Variants in PTPRG observed in about 807,000 individuals in gnomAD.
PTPRG encodes protein tyrosine phosphatase receptor type G, also known as receptor-type tyrosine-protein phosphatase gamma.
A neutral mutation model predicts 165.3 loss-of-function variants in PTPRG; 102 were observed. The ratio of observed to expected loss-of-function variants is 0.62; its 90% CI spans 0.53 to 0.73. The LOEUF is 0.73. Ranked by LOEUF, PTPRG falls within the 30% of genes least tolerant of loss-of-function variation. The probability of loss-of-function intolerance (pLI) is 0.00; values close to 1 mark genes in which losing one functional copy is unlikely to be tolerated. For missense variants in PTPRG, 1,866 were observed against 1,861.4 expected, an observed-to-expected ratio of 1.00 and a Z score of -0.05; for synonymous variants, 675 against 669.5, an observed-to-expected ratio of 1.01 and a Z score of -0.13.
intron 3 of PTPRG, among the ~76,000 whole-genome samples, chr3:61,992,238 T>A (rs2040913456): frequency 8.2e-6 from 1 of 121,516 alleles, no homozygotes; most frequent in Admixed American, 7.8e-5. Context: ...ACAAAGAACA[T>A]GCATTTTTGC....
intron 2 of PTPRG, among the ~76,000 whole-genome samples, chr3:61,951,488 ATTC>A (rs1388444351): frequency 3.9e-5 from 6 of 152,212 alleles, no homozygotes; most frequent in Non-Finnish European, 7.3e-5. Context: ...TTAAAGAAGT[ATTC>A]TTCTTTGTAT....
At chr3:62,123,116 A>G (rs548127738) in intron 5 of PTPRG, among the ~76,000 whole-genome samples, 8 of 152,336 alleles carry the variant, frequency 5.3e-5, no homozygotes, top group African/African-American at 1.7e-4. Flanking sequence ...CTCAGATTCA[A>G]GGTTTCTCAC....
At chr3:62,003,717 TG>T (rs1257373494) in intron 4 of PTPRG, among the ~76,000 whole-genome samples, 5 of 152,226 alleles carry the variant, frequency 3.3e-5, no homozygotes, top group Admixed American at 6.5e-5. Context: ...CATCATGGTT[TG>T]AGTAGACTCA....
chr3:62,169,190 C>T (rs1705119768), intron 8 of PTPRG, among the ~76,000 whole-genome samples: 1 of 151,986 alleles, frequency 6.6e-6, no homozygotes, highest in Non-Finnish European at 1.5e-5. Context: ...CACTTAGGGC[C>T]CAAGGGTCTC....
chr3:61,862,379 A>AC (rs2037293781), intron 2 of PTPRG, among the ~76,000 whole-genome samples: 1 of 133,296 alleles, frequency 7.5e-6, no homozygotes. Context: ...TATTACTCAG[A>AC]CTTTTTTTTT....
chr3:62,195,070 C>A lies in PTPRG; in HGVS notation c.1227C>A (p.Thr409=). Residue 409 remains threonine, a synonymous_variant, in exon 10 of 30, where the codon ACC becomes ACA. Transcript: ENST00000474889. This position sits in a 1 kb window ranked among gnomAD's most constrained non-coding sequence, Gnocchi z 4.4. Reference sequence around the variant, plus strand: ...TCCTTCTTTACTTACAGAAAGCCACCATTAGCCATGTCTCACCCGATAGCC... The same window carrying A: ...TCCTTCTTTACTTACAGAAAGCCACAATTAGCCATGTCTCACCCGATAGCC... ...TKDSDKDLKA[T]ISHVSPDSLY... 1 of 1,614,118 alleles carries A rather than the reference C, an allele frequency of 6.2e-7. No homozygotes were observed. The highest frequency in any genetic ancestry group is 8.5e-7 in the Non-Finnish European group (1 of 1,179,986).
intron 1 of PTPRG, among the ~76,000 whole-genome samples, chr3:61,628,389 T>C (rs1401292331): frequency 6.6e-6 from 1 of 152,174 alleles, no homozygotes; most frequent in Non-Finnish European, 1.5e-5. Context: ...TGGTCTTGGC[T>C]CACTGCAGCC....
chr3:61,873,325 G>T (rs148396589), intron 2 of PTPRG, among the ~76,000 whole-genome samples: 2 of 152,266 alleles, frequency 1.3e-5, no homozygotes, highest in Admixed American at 6.5e-5. Flanking sequence ...GAATGAATAG[G>T]ACCAGCAGAT....
chr3:62,148,740 G>A (rs746983043), intron 6 of PTPRG, among the ~76,000 whole-genome samples: 3 of 151,922 alleles, frequency 2.0e-5, no homozygotes, highest in Non-Finnish European at 4.4e-5. Flanking sequence ...GCAGCCTGGG[G>A]GACAGAGCGA....
intron 1 of PTPRG, among the ~76,000 whole-genome samples, chr3:61,613,629 C>T (rs894116218): frequency 4.6e-5 from 7 of 152,104 alleles, no homozygotes; most frequent in African/African-American, 1.7e-4. Flanking sequence ...TGTATGAAGG[C>T]AAGCTATGAA....
chr3:61,657,013 G>A (rs1702526212), intron 1 of PTPRG, among the ~76,000 whole-genome samples: 3 of 152,172 alleles, frequency 2.0e-5, no homozygotes, highest in South Asian at 4.1e-4. Context: ...ATTAACAAGA[G>A]AAAAGCAAGC....
intron 1 of PTPRG, among the ~76,000 whole-genome samples, chr3:61,643,532 C>A (rs1035367450): frequency 1.3e-5 from 2 of 152,134 alleles, no homozygotes; most frequent in Admixed American, 6.5e-5. Flanking sequence ...GTAATGCCAG[C>A]ACTTTGGGAG....
chr3:62,026,746 C>T (rs1315888957), intron 4 of PTPRG, among the ~76,000 whole-genome samples: 1 of 151,900 alleles, frequency 6.6e-6, no homozygotes, highest in Non-Finnish European at 1.5e-5. Flanking sequence ...ATTAGCCAGG[C>T]GTGGTGGCAC....
intron 1 of PTPRG, among the ~76,000 whole-genome samples, chr3:61,659,805 G>A (rs188473891): frequency 1.9e-3 from 282 of 152,298 alleles, no homozygotes; most frequent in Non-Finnish European, 2.4e-3. Flanking sequence ...ATTCCTGGAT[G>A]TGATACACAA....
At position 62,262,878 on chromosome 3, in the gene PTPRG, C is replaced by A. The variant is rs1217436136; in HGVS notation, c.2640C>A (p.Tyr880Ter). The A allele has an allele frequency of 6.2e-7, 1 of 1,611,880 alleles. No homozygotes were observed. The highest frequency in any genetic ancestry group is 8.5e-7 in the Non-Finnish European group (1 of 1,177,996). The change falls in exon 17 of 30, where the codon TAC becomes TAA. Residue 880 changes from tyrosine (Y) to a stop codon, truncating the protein, a stop_gained. Transcript: ENST00000474889. LOFTEE classifies it high-confidence loss of function. ...NHPENKHKNR[Y>*]INILAYDHSR... Reference sequence around the variant, plus strand: ...CAGAAAACAAGCACAAAAACAGATACATCAACATTTTAGCATGTGAGTAAT... The same window carrying A: ...CAGAAAACAAGCACAAAAACAGATAAATCAACATTTTAGCATGTGAGTAAT...
intron 1 of PTPRG, among the ~76,000 whole-genome samples, chr3:61,701,005 G>C (rs2030922664): frequency 6.6e-6 from 1 of 152,190 alleles, no homozygotes; most frequent in Non-Finnish European, 1.5e-5. Context: ...AGTGAAGACA[G>C]TCTAGGAGGG....
At chr3:61,816,484 A>G (rs1457987528) in intron 2 of PTPRG, among the ~76,000 whole-genome samples, 1 of 152,120 alleles carries the variant, frequency 6.6e-6, no homozygotes, top group African/African-American at 2.4e-5. Context: ...GTGAGCCAGG[A>G]TTGCGCCACT....
intron 25 of PTPRG, among the ~76,000 whole-genome samples, 158 bp from the exon 26 acceptor site, chr3:62,277,390 CAGA>C (rs1189569485): frequency 2.0e-5 from 3 of 152,126 alleles, no homozygotes; most frequent in Admixed American, 6.6e-5. Flanking sequence ...ACAGTGCTAG[CAGA>C]AGTACATCTA....
intron 8 of PTPRG, among the ~76,000 whole-genome samples, chr3:62,178,629 G>A (rs1389501225): frequency 6.6e-6 from 1 of 152,192 alleles, no homozygotes; most frequent in Admixed American, 6.5e-5. Context: ...TCAGGCACTC[G>A]TGTCAGGATG....
Sources: gnomAD v4.1 joint callset for allele counts (sites outside exome capture counted in the v4.1 genomes callset) on GRCh38, gnomAD v4.1.1 for gene constraint, Gnocchi (gnomAD v3.1) non-coding constraint, MANE v1.5 for transcripts, NCBI Gene and HGNC (gene_info 2026-07-23, HGNC 2026-07-21) for gene names.